Variants in PSD3 observed in about 807,000 individuals in gnomAD.
PSD3 encodes the protein PH and SEC7 domain-containing protein 3.
Under a neutral mutation model 105.5 loss-of-function variants are expected in PSD3, and 49 were observed. The ratio of observed to expected loss-of-function variants is 0.46; its 90% confidence interval spans 0.37 to 0.59. The LOEUF (loss-of-function observed/expected upper bound fraction) is 0.59, where lower values mean the gene tolerates loss of function less well. Ranked by LOEUF, PSD3 falls within the 20% of genes least tolerant of loss-of-function variation. The pLI, the probability that PSD3 is intolerant of heterozygous loss-of-function variation, is 0.00. For synonymous variants in PSD3, 557 were observed against 457.8 expected, an observed-to-expected ratio of 1.22 and a Z score of -2.77; for missense variants, 1,561 against 1,263.8, an observed-to-expected ratio of 1.24 and a Z score of -3.57.
chr8:18,763,008 T>G, intron 9 of PSD3: 1 of 928,662 alleles, frequency 1.1e-6, no homozygotes, highest in South Asian at 1.4e-5. Context: ...TTCAGCATCT[T>G]CTCCAATCCC....
intron 9 of PSD3, among the ~76,000 whole-genome samples, chr8:18,711,225 A>G (rs1275528086): frequency 6.6e-6 from 1 of 152,204 alleles, no homozygotes; most frequent in Admixed American, 6.5e-5. Flanking sequence ...AAGCAACTAC[A>G]TTAACAAGTC....
intron 10 of PSD3, among the ~76,000 whole-genome samples, chr8:18,654,821 T>C (rs560360349): frequency 3.9e-5 from 6 of 152,276 alleles, no homozygotes; most frequent in African/African-American, 1.4e-4. Flanking sequence ...AGAGAACCTT[T>C]TTTTGGTTGC....
intron 9 of PSD3, among the ~76,000 whole-genome samples, chr8:18,689,581 CA>C (rs1800855691): frequency 6.6e-6 from 1 of 152,170 alleles, no homozygotes; most frequent in African/African-American, 2.4e-5. Flanking sequence ...AGCCTATTTT[CA>C]GAACAGAATG....
At chr8:18,910,678 G>A (rs1014075337) in intron 2 of PSD3, among the ~76,000 whole-genome samples, 4 of 149,576 alleles carry the variant, frequency 2.7e-5, no homozygotes, top group African/African-American at 4.9e-5. Context: ...TGATGCCCCA[G>A]GCCATATCCT....
At chr8:18,553,175 T>A (rs1800878272) in intron 15 of PSD3, among the ~76,000 whole-genome samples, 1 of 152,340 alleles carries the variant, frequency 6.6e-6, no homozygotes, top group Non-Finnish European at 1.5e-5. Context: ...TATTTTTCCT[T>A]ACCAAGGACT....
At chr8:18,713,176 T>C (rs560325451) in intron 9 of PSD3, among the ~76,000 whole-genome samples, 1 of 152,288 alleles carries the variant, frequency 6.6e-6, no homozygotes, top group African/African-American at 2.4e-5. Flanking sequence ...ACAGCCAGTA[T>C]CATACTGAAT....
chr8:18,804,047 C>T (rs557473215), intron 6 of PSD3, among the ~76,000 whole-genome samples: 1 of 152,184 alleles, frequency 6.6e-6, no homozygotes, highest in East Asian at 1.9e-4. Flanking sequence ...TGAACTCAGG[C>T]TTACCAGTAG....
At position 18,683,766 on chromosome 8, in the gene PSD3, T is replaced by C. The variant is rs1280142387; in HGVS notation, c.2173-28081A>G. On this transcript the variant is annotated intron_variant, in intron 9 of 15. Transcript: ENST00000327040. ...CTGTCAATAAGGTTCAATGTGGTATTTCTTTACCTTGTTCTCCTTAGCAGA... is the reference window on the plus strand; with the variant it reads ...CTGTCAATAAGGTTCAATGTGGTATCTCTTTACCTTGTTCTCCTTAGCAGA... The C allele has an allele frequency of 7.8e-6, 6 of 764,812 alleles. No individual in the cohort carries two copies. The Admixed American group carries it at 1.0e-4, about 13-fold the overall frequency. 47.4% of individuals were successfully genotyped at this position (764,812 alleles called of 1,614,324 possible). A position where few individuals can be genotyped will look rare whatever the true frequency, so the allele number is the denominator to read the frequency against.
At position 18,574,805 on chromosome 8, in the gene PSD3, T is replaced by C. The variant is rs115517546; in HGVS notation, c.2639+323A>G. On this transcript the variant is annotated intron_variant, in intron 13 of 15. Coordinates refer to ENST00000327040, the MANE Select transcript of PSD3 (RefSeq NM_015310.4). ...AGAAAGAGCTAGAGAAACAGTGTTA[T>C]CTAGGTCTGTTTTACTCATTTTGCG... Among the ~76,000 whole-genome samples the C allele has an allele frequency of 4.0e-3, 612 of 152,294 alleles. 5 individuals are homozygous for C. Among genetic ancestry groups the C allele is most frequent in the African/African-American group, 0.014 (581 of 41,558 alleles).
intron 13 of PSD3, among the ~76,000 whole-genome samples, chr8:18,574,536 T>C (rs993100399): frequency 6.6e-6 from 1 of 152,180 alleles, no homozygotes; most frequent in Non-Finnish European, 1.5e-5. Flanking sequence ...TGGCAATTCA[T>C]CCCATTTCCT....
chr8:19,048,280 G>A (rs1828395550), intron 1 of PSD3, among the ~76,000 whole-genome samples: 1 of 152,120 alleles, frequency 6.6e-6, no homozygotes, highest in Admixed American at 6.5e-5. Context: ...GCAGAGTCCT[G>A]GCCGACATAT....
intron 9 of PSD3, among the ~76,000 whole-genome samples, chr8:18,688,272 G>GTTTC (rs2130982266): frequency 1.3e-5 from 2 of 151,822 alleles, no homozygotes; most frequent in African/African-American, 4.8e-5. Flanking sequence ...TTGTTTGTTT[G>GTTTC]TTTTGGTAGA....
chr8:18,975,727 A>C (rs895489662), intron 1 of PSD3, among the ~76,000 whole-genome samples: 3 of 152,210 alleles, frequency 2.0e-5, no homozygotes, highest in African/African-American at 7.2e-5. Flanking sequence ...TTGCACATAT[A>C]GTCAAAATCC....
chr8:18,894,014 G>A lies in PSD3; in HGVS notation c.131-21281C>T, dbSNP rs568010233. Among the ~76,000 whole-genome samples, 20 of 152,238 alleles carry A rather than the reference G, an allele frequency of 1.3e-4. 1 individual carries two copies. In the South Asian group the frequency reaches 2.3e-3, roughly 17 times the overall value. Reference sequence around the variant, plus strand: ...TATCATCCAATCAACACACCGGTGCGGTGGCAAATGTACCCTAAGTCAGTC... The same window carrying A: ...TATCATCCAATCAACACACCGGTGCAGTGGCAAATGTACCCTAAGTCAGTC... On this transcript the variant is annotated intron_variant, in intron 2 of 15. Transcript: ENST00000327040.
chr8:19,045,718 C>T (rs558171676), intron 1 of PSD3, among the ~76,000 whole-genome samples: 129 of 152,302 alleles, frequency 8.5e-4, no homozygotes, highest in Non-Finnish European at 1.4e-3. Context: ...AAGAATCCAG[C>T]CATCTGATTT....
At chr8:18,554,109 A>T (rs1339064935) in intron 15 of PSD3, among the ~76,000 whole-genome samples, 1 of 152,202 alleles carries the variant, frequency 6.6e-6, no homozygotes, top group African/African-American at 2.4e-5. Flanking sequence ...GCTCCTAGCA[A>T]TGGCAAGCTT....
At chr8:18,696,491 T>C (rs1380132290) in intron 9 of PSD3, among the ~76,000 whole-genome samples, 1 of 152,198 alleles carries the variant, frequency 6.6e-6, no homozygotes, top group Non-Finnish European at 1.5e-5. Flanking sequence ...GTGTGGCCTG[T>C]TTTACTAAGC....
In PSD3 at chr8:19,036,726, A is replaced by G. The variant is rs370654894; in HGVS notation, c.324+47480T>C. ...CACTTAGACCAGATTCATGAACCCCAGGCTGAATACTATGTAATGAATTAA... is the reference window on the plus strand; with the variant it reads ...CACTTAGACCAGATTCATGAACCCCGGGCTGAATACTATGTAATGAATTAA... On this transcript the variant is annotated intron_variant, in intron 1 of 1. Coordinates refer to the PSD3 transcript ENST00000521475. Among the ~76,000 whole-genome samples, 31 of 152,296 alleles carry G rather than the reference A, an allele frequency of 2.0e-4. 1 individual carries two copies. The highest frequency in any genetic ancestry group is 7.5e-4 in the African/African-American group (31 of 41,564).
intron 4 of PSD3, among the ~76,000 whole-genome samples, chr8:18,816,249 C>A (rs1340996904): frequency 2.0e-5 from 3 of 152,200 alleles, no homozygotes; most frequent in African/African-American, 7.2e-5. Flanking sequence ...GCACTTTATA[C>A]TAACTCACTT....
Sources: allele counts gnomAD v4.1 joint callset (sites outside exome capture counted in the v4.1 genomes callset), GRCh38; gene constraint gnomAD v4.1.1; transcripts MANE v1.5; gene names NCBI Gene and HGNC (gene_info 2026-07-23, HGNC 2026-07-21).